RNLS: variants seen among roughly 807,000 people sequenced by gnomAD.
RNLS encodes renalase.
A neutral mutation model predicts 39.8 loss-of-function variants in RNLS; 39 were observed. The ratio of observed to expected loss-of-function variants is 0.98; its 90% CI spans 0.76 to 1.28. The LOEUF (loss-of-function observed/expected upper bound fraction) is 1.28. RNLS is among the 50% of genes most tolerant of loss of function. The probability of loss-of-function intolerance (pLI) is 0.00; values close to 1 mark genes in which losing one functional copy is unlikely to be tolerated. For synonymous variants in RNLS, 147 were observed against 150.7 expected (o/e 0.98, Z 0.18); for missense variants, 410 against 413.3 (o/e 0.99, Z 0.07).
intron 4 of RNLS, among the ~76,000 whole-genome samples, chr10:88,437,852 C>G: frequency 2.6e-5 from 4 of 152,112 alleles, no homozygotes; most frequent in Middle Eastern, 6.8e-3. Context: ...GGAGGCCGGG[C>G]GTGGTGGCTC....
At chr10:88,257,124 C>T in the RNLS span, among the ~76,000 whole-genome samples, 1 of 151,918 alleles carries the variant, frequency 6.6e-6, no homozygotes, top group Non-Finnish European at 1.5e-5. Context: ...ATTTTTCCAT[C>T]CTCCATCATT....
chr10:88,354,777 G>A (rs1299766786), intron 5 of RNLS, among the ~76,000 whole-genome samples: 2 of 152,220 alleles, frequency 1.3e-5, no homozygotes, highest in African/African-American at 4.8e-5. Flanking sequence ...GCTAGGTTCA[G>A]GAAATTCTCT....
chr10:88,289,968 G>A (rs761518108), intron 6 of RNLS, among the ~76,000 whole-genome samples: 204 of 152,036 alleles, frequency 1.3e-3, no homozygotes, highest in Non-Finnish European at 2.9e-3. Context: ...TCAAAAATGG[G>A]AAAATATTGT....
rs546226539 is a variant in RNLS at position 88,486,334 on chromosome 10, C to T, written c.526+86569G>A. ...GGCAAAGATTTCATGACAAAGATGC[C>T]AAAAGCAATTGCAGCAAAAGTAAAA... On this transcript the variant is annotated intron_variant, in intron 4 of 6. Coordinates refer to ENST00000331772, the MANE Select transcript of RNLS (RefSeq NM_001031709.3). Among the ~76,000 whole-genome samples the T allele has an allele frequency of 2.2e-4, 33 of 152,058 alleles. No homozygotes were observed. In the South Asian group the frequency reaches 6.6e-3, roughly 31 times the overall value.
chr10:88,203,803 A>G, the RNLS span, among the ~76,000 whole-genome samples: 1 of 151,654 alleles, frequency 6.6e-6, no homozygotes. Flanking sequence ...TAACTGTAGG[A>G]ACATAGAGAT....
intron 4 of RNLS, among the ~76,000 whole-genome samples, chr10:88,449,332 C>T (rs1191881757): frequency 1.3e-5 from 2 of 152,196 alleles, no homozygotes; most frequent in Non-Finnish European, 2.9e-5. Context: ...AAACATACTT[C>T]CATTTATTCA....
intron 6 of RNLS, among the ~76,000 whole-genome samples, chr10:88,308,982 G>A (rs1295792611): frequency 6.6e-6 from 1 of 152,160 alleles, no homozygotes; most frequent in African/African-American, 2.4e-5. Flanking sequence ...AAACATGGAC[G>A]AAGCTGGGGG....
At chr10:88,339,304 G>A (rs1847758846) in intron 5 of RNLS, among the ~76,000 whole-genome samples, 1 of 152,194 alleles carries the variant, frequency 6.6e-6, no homozygotes, top group South Asian at 2.1e-4. Flanking sequence ...AGAATGCATA[G>A]ATTAGGTAGG....
chr10:88,349,960 T>C (rs1848565780), intron 5 of RNLS, among the ~76,000 whole-genome samples: 1 of 152,100 alleles, frequency 6.6e-6, no homozygotes, highest in Admixed American at 6.6e-5. Context: ...ATTATATAAA[T>C]GACAAAATGT....
At chr10:88,290,754 A>G (rs190583119) in intron 6 of RNLS, among the ~76,000 whole-genome samples, 398 of 152,306 alleles carry the variant, frequency 2.6e-3, no homozygotes, top group Non-Finnish European at 3.5e-3. Context: ...TCTGATATCC[A>G]TGCACTTCCT....
chr10:88,336,641 T>C (rs905394904), intron 5 of RNLS, among the ~76,000 whole-genome samples: 3 of 152,246 alleles, frequency 2.0e-5, no homozygotes, highest in Admixed American at 1.3e-4. Flanking sequence ...TGAAAAATTG[T>C]TCACACAAGA....
intron 4 of RNLS, among the ~76,000 whole-genome samples, chr10:88,408,208 A>T (rs1312249450): frequency 5.3e-5 from 8 of 152,080 alleles, no homozygotes; most frequent in Non-Finnish European, 1.5e-5. Flanking sequence ...ATTGAATGTG[A>T]AAGCTTTTAT....
chr10:88,405,900 T>G (rs1279405008), intron 4 of RNLS, among the ~76,000 whole-genome samples: 1 of 152,132 alleles, frequency 6.6e-6, no homozygotes, highest in Non-Finnish European at 1.5e-5. Flanking sequence ...TTTTAGCAGT[T>G]CTTGTAGTGG....
At chr10:88,240,579 C>T in the RNLS span, among the ~76,000 whole-genome samples, 1 of 147,938 alleles carries the variant, frequency 6.8e-6, no homozygotes, top group Non-Finnish European at 1.5e-5. Context: ...AGCTGAGAGT[C>T]ATAATAGACT....
intron 6 of RNLS, among the ~76,000 whole-genome samples, chr10:88,277,339 G>T (rs1406806838): frequency 1.3e-5 from 2 of 149,298 alleles, no homozygotes; most frequent in African/African-American, 2.5e-5. Context: ...GAGGTGGGGG[G>T]TTGGGGGAGG....
intron 4 of RNLS, among the ~76,000 whole-genome samples, chr10:88,497,862 C>T (rs553473769): frequency 6.6e-6 from 1 of 151,710 alleles, no homozygotes; most frequent in East Asian, 1.9e-4. Flanking sequence ...AAAGTTTGTG[C>T]CAACTAGCTA....
downstream of RNLS, among the ~76,000 whole-genome samples, chr10:88,273,081 C>G (rs1842694436): frequency 1.3e-5 from 2 of 152,156 alleles, no homozygotes; most frequent in African/African-American, 2.4e-5. Flanking sequence ...TGGTGGTCAC[C>G]CAGCCTCTGC....
At chr10:88,229,807 C>G in the RNLS span, among the ~76,000 whole-genome samples, 4 of 152,134 alleles carry the variant, frequency 2.6e-5, no homozygotes, top group African/African-American at 9.7e-5. Context: ...TTAGCATACT[C>G]TTTTGAGCTT....
chr10:88,528,726 G>A (rs1304146851), intron 4 of RNLS, among the ~76,000 whole-genome samples: 1 of 151,936 alleles, frequency 6.6e-6, no homozygotes, highest in East Asian at 1.9e-4. Context: ...GGTGGCACAT[G>A]CCTGTAATCC....
Sources: allele counts gnomAD v4.1 joint callset (sites outside exome capture counted in the v4.1 genomes callset), GRCh38; gene constraint gnomAD v4.1.1; transcripts MANE v1.5; gene names NCBI Gene and HGNC (gene_info 2026-07-23, HGNC 2026-07-21).